Variants in FRMD8 observed in about 807,000 individuals in gnomAD.
The protein encoded by FRMD8 is FERM domain-containing protein 8.
In FRMD8, 37 loss-of-function variants were observed where a neutral mutation model predicts 54.2. That is an observed-to-expected ratio of 0.68 (90% CI 0.53 to 0.90). The LOEUF (loss-of-function observed/expected upper bound fraction) is 0.90, where lower values mean the gene tolerates loss of function less well. Among genes scored for constraint, FRMD8 ranks in the 40% least tolerant of loss-of-function variants. The probability of loss-of-function intolerance (pLI) is 0.00; values close to 1 mark genes in which losing one functional copy is unlikely to be tolerated. For synonymous variants in FRMD8, 246 were observed against 286.9 expected (o/e 0.86, Z 1.44); for missense variants, 585 against 653.7 (o/e 0.89, Z 1.15).
intron 1 of FRMD8, 24 bp downstream of exon 1, chr11:65,386,785 C>T (rs112604381): frequency 3.7e-6 from 2 of 543,632 alleles, no homozygotes; most frequent in South Asian, 4.9e-5. Context: ...GACGTCTGGC[C>T]CGGGCCTCCG....
chr11:65,395,661 C>G (rs1051653814), intron 6 of FRMD8, among the ~76,000 whole-genome samples: 7 of 152,376 alleles, frequency 4.6e-5, no homozygotes, highest in African/African-American at 1.4e-4. Flanking sequence ...GGCCTCTCCT[C>G]CTTCATGTGG....
chr11:65,397,369 G>C (rs1855980578), intron 7 of FRMD8, among the ~76,000 whole-genome samples: 1 of 152,202 alleles, frequency 6.6e-6, no homozygotes, highest in Non-Finnish European at 1.5e-5. Context: ...GGCACTGGAG[G>C]TCCCCCTGAG....
At chr11:65,394,005 G>C in intron 4 of FRMD8, 36 bp from the exon 5 acceptor site, 1 of 1,610,000 alleles carries the variant, frequency 6.2e-7, no homozygotes, top group South Asian at 1.1e-5. Flanking sequence ...TAAGCAGAGT[G>C]GGGATGCCCG....
At chr11:65,397,062 C>G in intron 7 of FRMD8, 42 bp downstream of exon 7, 1 of 1,176,676 alleles carries the variant, frequency 8.5e-7, no homozygotes, top group Non-Finnish European at 1.2e-6. Context: ...CCTCCGCAGG[C>G]TGTTCTTGGG....
chr11:65,392,698 C>T (rs993116663), intron 3 of FRMD8, among the ~76,000 whole-genome samples: 16 of 152,054 alleles, frequency 1.1e-4, no homozygotes, highest in Admixed American at 2.6e-4. Flanking sequence ...CCCAGGGATA[C>T]GGCGGTGGAC....
intron 10 of FRMD8, 88 bp from the exon 11 acceptor site, chr11:65,411,154 G>A: frequency 7.3e-6 from 8 of 1,095,504 alleles, no homozygotes; most frequent in Non-Finnish European, 1.1e-5. Flanking sequence ...GAGCCGTCGC[G>A]CTGGAGCCAG....
At chr11:65,409,916 A>C (rs562072820) in intron 10 of FRMD8, among the ~76,000 whole-genome samples, 11 of 152,088 alleles carry the variant, frequency 7.2e-5, no homozygotes, top group Non-Finnish European at 1.5e-4. Context: ...CTGTCTCTAC[A>C]CAAACTAAAA....
At position 65,396,930 on chromosome 11, in the gene FRMD8, A is replaced by C; in HGVS notation, c.713A>C (p.Gln238Pro). Residue 238 changes from glutamine (Q) to proline (P), a missense_variant, in exon 7 of 11, where the codon CAG becomes CCG. Coordinates refer to ENST00000317568, the MANE Select transcript of FRMD8 (RefSeq NM_031904.5). ...QGLLNAYRQV[Q>P]EVSSDGGCEA... The stretch of plus-strand genomic sequence containing the variant: ...CTGCTGAACGCCTACCGCCAGGTGC[A>C]GGAGGTCAGCAGCGACGGCGGGTGC... 6.4e-7 allele frequency: 1 copy of C among 1,550,682 alleles called. No homozygotes were observed. Among genetic ancestry groups the C allele is most frequent in the Non-Finnish European group, 8.7e-7 (1 of 1,147,236 alleles).
At position 65,411,374 on chromosome 11, in the gene FRMD8, G is replaced by A. The variant is rs1306129298; in HGVS notation, c.*14G>A. On this transcript the variant is annotated 3_prime_UTR_variant, in exon 11 of 11. Transcript: ENST00000317568. ...GAGCAGGGCTGAGGACGCTGCACCC[G>A]GCAGGAGGAGGGCGACTGGGGGCCC... 1.4e-5 allele frequency: 21 copies of A among 1,531,652 alleles called. No homozygotes were observed. Among genetic ancestry groups the A allele is most frequent in the Admixed American group, 7.8e-5 (4 of 51,476 alleles). 94.9% of individuals were successfully genotyped at this position (1,531,652 alleles called of 1,614,324 possible).
chr11:65,405,125 G>C lies in FRMD8; in HGVS notation c.1276+57G>C, dbSNP rs1034585578. On this transcript the variant is annotated intron_variant, in intron 10 of 10. Coordinates refer to ENST00000317568, the MANE Select transcript of FRMD8 (RefSeq NM_031904.5). ...AAACACGCATGCGCGTGCACACACCGGGGGGAGTTCCTGAGGACAGGGCAT... is the reference window on the plus strand; with the variant it reads ...AAACACGCATGCGCGTGCACACACCCGGGGGAGTTCCTGAGGACAGGGCAT... The C allele has an allele frequency of 3.5e-5, 53 of 1,522,054 alleles. 1 individual carries two copies. The South Asian group carries it at 5.9e-4, about 17-fold the overall frequency. The allele number at this position is 1,522,054 out of a possible 1,614,324, so 94.3% of individuals were successfully genotyped here.
intron 2 of FRMD8, among the ~76,000 whole-genome samples, chr11:65,387,979 AC>A (rs957826417): frequency 6.6e-5 from 10 of 152,096 alleles, no homozygotes; most frequent in Non-Finnish European, 1.5e-4. Flanking sequence ...AGCCTGACCA[AC>A]ATGGAGAAAC....
chr11:65,394,576 A>G (rs1416504284), intron 6 of FRMD8, 151 bp downstream of exon 6: 2 of 955,810 alleles, frequency 2.1e-6, no homozygotes, highest in Non-Finnish European at 3.0e-6. Flanking sequence ...GGCCCTAGGC[A>G]GTTGTTCCGC....
chr11:65,382,009 CT>C, upstream of FRMD8: 4 of 1,443,098 alleles, frequency 2.8e-6, no homozygotes, highest in South Asian at 2.3e-5. This position sits in a 1 kb window ranked among gnomAD's most constrained non-coding sequence, Gnocchi z 4.4. Context: ...GAATTCCCCC[CT>C]CTCCCTCCCC....
At chr11:65,408,097 G>A (rs1465248709) in intron 10 of FRMD8, among the ~76,000 whole-genome samples, 2 of 147,078 alleles carry the variant, frequency 1.4e-5, no homozygotes, top group East Asian at 4.0e-4. Context: ...TTTTGGAGAC[G>A]GAGTTTCACT....
At chr11:65,380,325 G>A in the FRMD8 span, 3 of 1,165,540 alleles carry the variant, frequency 2.6e-6, no homozygotes, top group Middle Eastern at 2.8e-4. Flanking sequence ...AAGCTCTAGA[G>A]ACTCCAGCTG....
chr11:65,376,577 C>T, the FRMD8 span: 1,236 of 1,614,142 alleles, frequency 7.7e-4, 7 homozygotes, highest in African/African-American at 0.015. Context: ...CGTCTCAGTC[C>T]ATCCATCTGC....
chr11:65,412,786 C>T lies in FRMD8; in HGVS notation c.*1426C>T, dbSNP rs1856364830. ...TCGAGGTAGGCTTGCCTTCTGGCAG[C>T]ATGGACTTTGTTAAAATAATAGGCG... On this transcript the variant is annotated 3_prime_UTR_variant, in exon 11 of 11. Transcript: ENST00000317568. The T allele has an allele frequency of 6.6e-6, 1 of 152,354 alleles. No individual in the cohort carries two copies. Among genetic ancestry groups the T allele is most frequent in the Admixed American group, 6.5e-5 (1 of 15,300 alleles). 9.4% of individuals were successfully genotyped at this position (152,354 alleles called of 1,614,324 possible).
At chr11:65,384,167 G>A (rs1463941997), upstream of FRMD8, among the ~76,000 whole-genome samples, 2 of 152,002 alleles carry the variant, frequency 1.3e-5, no homozygotes, top group Non-Finnish European at 2.9e-5. Context: ...TAAGCATGGC[G>A]TCATCTTGTG....
intron 9 of FRMD8, among the ~76,000 whole-genome samples, chr11:65,403,622 A>G (rs1363225024): frequency 6.6e-6 from 1 of 152,166 alleles, no homozygotes; most frequent in African/African-American, 2.4e-5. Context: ...AGGTGTGCGC[A>G]GGCGTCCCTG....
Sources: allele counts gnomAD v4.1 joint callset (sites outside exome capture counted in the v4.1 genomes callset), GRCh38; gene constraint gnomAD v4.1.1; non-coding constraint Gnocchi (gnomAD v3.1); transcripts MANE v1.5; gene names NCBI Gene and HGNC (gene_info 2026-07-23, HGNC 2026-07-21).